Variants in YPEL2 observed in about 807,000 individuals in gnomAD.
YPEL2 encodes yippee like 2.
In YPEL2, 2 loss-of-function variants were observed where a neutral mutation model predicts 19.1. The observed-to-expected ratio is 0.10, with a 90% CI of 0.04 to 0.33. The LOEUF is 0.33. Ranked by LOEUF, YPEL2 falls within the 10% of genes least tolerant of loss-of-function variation. The probability of loss-of-function intolerance (pLI) is 1.00; values close to 1 mark genes in which losing one functional copy is unlikely to be tolerated. For synonymous variants in YPEL2, 52 were observed against 50.0 expected, an observed-to-expected ratio of 1.04 and a Z score of -0.17; for missense variants, 66 against 140.7, an observed-to-expected ratio of 0.47 and a Z score of 2.68.
At chr17:59,372,268 AATAG>A (rs1461594424) in intron 2 of YPEL2, among the ~76,000 whole-genome samples, 1 of 152,230 alleles carries the variant, frequency 6.6e-6, no homozygotes, top group African/African-American at 2.4e-5. Flanking sequence ...GATGATTAAA[AATAG>A]ATCTGAGTAG....
chr17:59,382,722 A>C (rs1242964561), intron 2 of YPEL2, among the ~76,000 whole-genome samples: 1 of 152,242 alleles, frequency 6.6e-6, no homozygotes, highest in Non-Finnish European at 1.5e-5. Flanking sequence ...TTGGTTCATC[A>C]CTTTCTGATG....
chr17:59,355,664 C>T lies in YPEL2; in HGVS notation c.117+2138C>T, dbSNP rs367628376. 4.6e-5 allele frequency: 7 copies of T among 152,146 alleles called. No individual in the cohort carries two copies. In the East Asian group the frequency reaches 9.6e-4, roughly 21 times the overall value. 9.4% of individuals were successfully genotyped at this position (152,146 alleles called of 1,614,324 possible). Reference sequence around the variant, plus strand: ...CATGGCCTATATCTGCTTTACATCTCGGGGTCAGAACCTGACCCATGGCAA... The same window carrying T: ...CATGGCCTATATCTGCTTTACATCTTGGGGTCAGAACCTGACCCATGGCAA... On this transcript the variant is annotated intron_variant, in intron 2 of 4. Transcript: ENST00000312655.
chr17:59,357,478 GGT>G (rs2047818605), intron 2 of YPEL2, among the ~76,000 whole-genome samples: 1 of 152,072 alleles, frequency 6.6e-6, no homozygotes, highest in African/African-American at 2.4e-5. Flanking sequence ...TTTCTTAGGG[GGT>G]GTTGTGGTCT....
chr17:59,359,441 T>G (rs911702204), intron 2 of YPEL2, among the ~76,000 whole-genome samples: 1 of 152,136 alleles, frequency 6.6e-6, no homozygotes, highest in African/African-American at 2.4e-5. Flanking sequence ...TCAGACAGCA[T>G]AATTCATAAA....
At chr17:59,351,863 G>A (rs537495036) in intron 1 of YPEL2, among the ~76,000 whole-genome samples, 80 of 152,280 alleles carry the variant, frequency 5.3e-4, no homozygotes, top group Middle Eastern at 3.4e-3. Flanking sequence ...TGGGTTAAGG[G>A]GTGGTGGCTG....
At chr17:59,391,824 C>T (rs560293573) in intron 4 of YPEL2, among the ~76,000 whole-genome samples, 2 of 152,114 alleles carry the variant, frequency 1.3e-5, no homozygotes, top group South Asian at 4.2e-4. Context: ...CGCTTGAACC[C>T]AGGAGGCGGA....
At chr17:59,371,212 G>A (rs1273207710) in intron 2 of YPEL2, among the ~76,000 whole-genome samples, 3 of 152,322 alleles carry the variant, frequency 2.0e-5, no homozygotes, top group East Asian at 1.9e-4. Context: ...CTTTCCCACC[G>A]GCTGCTTGCA....
Position 59,353,129 on chromosome 17 carries a change from T to C in YPEL2, c.-195-86T>C, listed in dbSNP as rs1414800608. 2 of 287,278 alleles carry C rather than the reference T, an allele frequency of 7.0e-6. No homozygotes were observed. Among genetic ancestry groups the C allele is most frequent in the South Asian group, 8.0e-5 (1 of 12,520 alleles). The allele number at this position is 287,278 out of a possible 1,614,324, so 17.8% of individuals were successfully genotyped here. A position where few individuals can be genotyped will look rare whatever the true frequency, so the allele number is the denominator to read the frequency against. ...ATTTGATCCTGTCAGTGTTGCCTTCTTCATGGGTGGCAGTTGGATTCTGCT... is the reference window on the plus strand; with the variant it reads ...ATTTGATCCTGTCAGTGTTGCCTTCCTCATGGGTGGCAGTTGGATTCTGCT... On this transcript the variant is annotated intron_variant, in intron 1 of 4. Coordinates refer to ENST00000312655, the MANE Select transcript of YPEL2 (RefSeq NM_001005404.4). This position sits in a 1 kb window ranked among gnomAD's most constrained non-coding sequence, Gnocchi z 4.8.
In YPEL2 at chr17:59,365,397, C is replaced by T. The variant is rs144380571; in HGVS notation, c.117+11871C>T. 7.9e-3 allele frequency among the ~76,000 whole-genome samples: 1,205 copies of T among 152,304 alleles called. 11 individuals are homozygous for T. The highest frequency in any genetic ancestry group is 0.011 in the Non-Finnish European group (760 of 68,024). ...CCTCTCTAGAATGTAAATGGAAAAG[C>T]CTGTCCCTGCCTCCTTCCCTTTTAG... On this transcript the variant is annotated intron_variant, in intron 2 of 4. Coordinates refer to ENST00000312655, the MANE Select transcript of YPEL2 (RefSeq NM_001005404.4).
In YPEL2 at chr17:59,353,961, A is replaced by G; in HGVS notation, c.117+435A>G. On this transcript the variant is annotated intron_variant, in intron 2 of 4. Coordinates refer to ENST00000312655, the MANE Select transcript of YPEL2 (RefSeq NM_001005404.4). The surrounding 1 kb of genome is among the most constrained non-coding windows in gnomAD (Gnocchi z 4.8). ...CCACCAGGAAGTTGTGAGACTGTGG[A>G]ATTACTAAAATGGGTGGCTTTTGGC... The G allele has an allele frequency of 3.6e-6, 1 of 277,012 alleles. No individual in the cohort carries two copies. Among genetic ancestry groups the G allele is most frequent in the South Asian group, 3.7e-5 (1 of 27,012 alleles). 17.2% of individuals were successfully genotyped at this position (277,012 alleles called of 1,614,324 possible).
intron 1 of YPEL2, among the ~76,000 whole-genome samples, chr17:59,339,046 T>G (rs1401417934): frequency 6.6e-6 from 1 of 152,060 alleles, no homozygotes; most frequent in African/African-American, 2.4e-5. Context: ...GCCCTTGCTC[T>G]TTCTGTTTTT....
At position 59,390,148 on chromosome 17, in the gene YPEL2, G is replaced by A. The variant is rs1294411165; in HGVS notation, c.270+680G>A. Among the ~76,000 whole-genome samples the A allele has an allele frequency of 3.3e-5, 5 of 152,142 alleles. No individual in the cohort carries two copies. The East Asian group carries it at 9.7e-4, about 29-fold the overall frequency. On this transcript the variant is annotated intron_variant, in intron 4 of 4. Transcript: ENST00000312655. ...CCCAAGTAGCTGGGATTACAGGCAC[G>A]CGTCACCATGCCTGGCTTATTTTTT... is the stretch of plus-strand genomic sequence containing the variant.
At chr17:59,396,434 AAGC>A (rs1354600361) in intron 4 of YPEL2, among the ~76,000 whole-genome samples, 2 of 152,236 alleles carry the variant, frequency 1.3e-5, no homozygotes, top group African/African-American at 4.8e-5. Flanking sequence ...AAGAAAACTA[AAGC>A]AGGGGTTGGG....
intron 4 of YPEL2, among the ~76,000 whole-genome samples, chr17:59,394,122 G>C (rs918800105): frequency 1.3e-5 from 2 of 150,992 alleles, no homozygotes; most frequent in African/African-American, 4.9e-5. Context: ...TCCCGGACGC[G>C]GCAGCTGGCC....
chr17:59,349,129 G>C (rs2047772822), intron 1 of YPEL2, among the ~76,000 whole-genome samples: 2 of 142,028 alleles, frequency 1.4e-5, no homozygotes, highest in Admixed American at 7.2e-5. Flanking sequence ...AGCCGAGATG[G>C]CGCCACTGCA....
intron 4 of YPEL2, among the ~76,000 whole-genome samples, chr17:59,393,427 G>T (rs2048018218): frequency 6.7e-6 from 1 of 149,754 alleles, no homozygotes; most frequent in Non-Finnish European, 1.5e-5. Flanking sequence ...GAGCCACCAC[G>T]CCTGGCCGAA....
chr17:59,348,128 A>G (rs2047766092), intron 1 of YPEL2, among the ~76,000 whole-genome samples: 1 of 152,212 alleles, frequency 6.6e-6, no homozygotes, highest in Non-Finnish European at 1.5e-5. Flanking sequence ...ACTTGCCAGA[A>G]GTCACGCAGC....
chr17:59,354,027 C>T, intron 2 of YPEL2: 2 of 228,064 alleles, frequency 8.8e-6, no homozygotes, highest in East Asian at 1.2e-4. Flanking sequence ...ACCTTCTGGC[C>T]TGTGGGGGCC....
At chr17:59,371,752 C>A (rs1274868022) in intron 2 of YPEL2, among the ~76,000 whole-genome samples, 1 of 152,172 alleles carries the variant, frequency 6.6e-6, no homozygotes, top group African/African-American at 2.4e-5. Context: ...TAAGATGAAA[C>A]CTCTCCTGTT....
Sources: gnomAD v4.1 joint callset for allele counts (sites outside exome capture counted in the v4.1 genomes callset) on GRCh38, gnomAD v4.1.1 for gene constraint, Gnocchi (gnomAD v3.1) non-coding constraint, MANE v1.5 for transcripts, NCBI Gene and HGNC (gene_info 2026-07-23, HGNC 2026-07-21) for gene names.